Variants in TMPRSS9 observed in about 807,000 individuals in gnomAD.
TMPRSS9 encodes the protein transmembrane serine protease 9.
Under a neutral mutation model 111.4 loss-of-function variants are expected in TMPRSS9, and 113 were observed. That is an observed-to-expected ratio of 1.01 (90% CI 0.87 to 1.19). The LOEUF is 1.19. TMPRSS9 is among the 50% of genes most tolerant of loss of function. The pLI is 0.00. For missense variants in TMPRSS9, 1,803 were observed against 1,513.1 expected (o/e 1.19, Z -3.18); for synonymous variants, 805 against 659.1 (o/e 1.22, Z -3.39).
At chr19:2,376,627 T>C (rs1970336976) in intron 1 of TMPRSS9, among the ~76,000 whole-genome samples, 1 of 151,974 alleles carries the variant, frequency 6.6e-6, no homozygotes, top group Admixed American at 6.6e-5. Context: ...GCCCGGCTAA[T>C]TTTTGTATTT....
intron 1 of TMPRSS9, among the ~76,000 whole-genome samples, chr19:2,367,156 A>G (rs144396041): frequency 2.3e-3 from 357 of 152,324 alleles, no homozygotes; most frequent in African/African-American, 6.9e-3. Context: ...AAGTGAGTCA[A>G]TAAGTCCAAC....
At chr19:2,399,311 TG>T (rs1335780607) in intron 4 of TMPRSS9, 118 bp downstream of exon 5, 1 of 1,330,702 alleles carries the variant, frequency 7.5e-7, no homozygotes, top group Non-Finnish European at 9.9e-7. Context: ...TGGCCGGGTG[TG>T]GTGGCTCATG....
intron 17 of TMPRSS9, 99 bp downstream of exon 18, chr19:2,425,592 G>A (rs1172147954): frequency 2.2e-5 from 31 of 1,384,566 alleles, no homozygotes; most frequent in Non-Finnish European, 2.4e-5. Context: ...GCCACCCTCC[G>A]GTGCAGGCTT....
chr19:2,424,149 G>A (rs780022399), exon 15 of TMPRSS9: 1 of 1,448,714 alleles, frequency 6.9e-7, no homozygotes, highest in Non-Finnish European at 9.1e-7. Context: ...GCGGGCCGTG[G>A]GGAGTGGCCG....
At chr19:2,410,266 C>T in exon 9 of TMPRSS9, 1 of 1,613,894 alleles carries the variant, frequency 6.2e-7, no homozygotes, top group Non-Finnish European at 8.5e-7. Context: ...AGTGGTCAAG[C>T]CAGAGGTGCT....
At chr19:2,367,342 A>G (rs1413828474) in intron 1 of TMPRSS9, among the ~76,000 whole-genome samples, 1 of 152,150 alleles carries the variant, frequency 6.6e-6, no homozygotes, top group Non-Finnish European at 1.5e-5. Context: ...GCAATAAATG[A>G]GATGATGACT....
At chr19:2,360,479 G>T (rs1261907892) in intron 1 of TMPRSS9, among the ~76,000 whole-genome samples, 119 bp downstream of exon 1, 1 of 152,230 alleles carries the variant, frequency 6.6e-6, no homozygotes, top group African/African-American at 2.4e-5. Flanking sequence ...GAGGTGGCGT[G>T]GCGGGAGTGT....
At chr19:2,395,452 G>A (rs1249857543) in intron 1 of TMPRSS9, among the ~76,000 whole-genome samples, 3 of 151,736 alleles carry the variant, frequency 2.0e-5, no homozygotes, top group South Asian at 2.1e-4. Context: ...AAGGCCGGGC[G>A]CGGTGGCTCA....
chr19:2,385,904 T>C (rs1001830917), upstream of TMPRSS9, among the ~76,000 whole-genome samples: 2 of 152,000 alleles, frequency 1.3e-5, no homozygotes, highest in African/African-American at 4.8e-5. Context: ...AACAACATCC[T>C]GTGGGCCAGA....
At chr19:2,424,934 G>A in intron 15 of TMPRSS9, 68 bp from the exon 17 acceptor site, 1 of 1,366,330 alleles carries the variant, frequency 7.3e-7, no homozygotes, top group Non-Finnish European at 9.4e-7. Flanking sequence ...GCCGCTGGGG[G>A]ACACCACAGG....
intron 1 of TMPRSS9, among the ~76,000 whole-genome samples, chr19:2,365,432 C>G (rs1461674530): frequency 6.6e-6 from 1 of 151,872 alleles, no homozygotes; most frequent in East Asian, 1.9e-4. Flanking sequence ...GGAGGATTTC[C>G]TGACTAGATT....
intron 13 of TMPRSS9, among the ~76,000 whole-genome samples, 198 bp downstream of exon 14, chr19:2,418,336 CTTCCCTCCCT>C (rs1442043711): frequency 2.8e-5 from 2 of 71,786 alleles, no homozygotes; most frequent in African/African-American, 1.7e-4. Context: ...CCTCCCTTTC[CTTCCCTCCCT>C]TTCCCTCCCT....
chr19:2,413,807 C>T, exon 10 of TMPRSS9: 2 of 1,613,834 alleles, frequency 1.2e-6, no homozygotes, highest in Non-Finnish European at 1.7e-6. Context: ...GTCCAGGGGT[C>T]TATGCCCGAG....
intron 9 of TMPRSS9, 92 bp downstream of exon 10, chr19:2,410,486 G>A (rs4806846): frequency 0.15 from 223,731 of 1,501,352 alleles, 19,735 homozygotes; most frequent in Admixed American, 0.38. Flanking sequence ...CTGGATGCCC[G>A]CTGTGAGCCC....
intron 1 of TMPRSS9, among the ~76,000 whole-genome samples, chr19:2,369,998 A>G (rs1161412473): frequency 6.6e-5 from 10 of 152,118 alleles, no homozygotes; most frequent in Non-Finnish European, 1.3e-4. Flanking sequence ...ACTTGAGGTC[A>G]GGAGTTCAAG....
chr19:2,405,032 A>G (rs1421529882), intron 6 of TMPRSS9, among the ~76,000 whole-genome samples: 2 of 152,146 alleles, frequency 1.3e-5, no homozygotes, highest in African/African-American at 4.8e-5. Context: ...TTTGTGAAGG[A>G]CATAAAAGTA....
intron 1 of TMPRSS9, among the ~76,000 whole-genome samples, chr19:2,382,116 C>T (rs1366534652): frequency 6.6e-6 from 1 of 152,206 alleles, no homozygotes; most frequent in Non-Finnish European, 1.5e-5. Context: ...GTTGGGATAA[C>T]AGGCATGAGC....
At chr19:2,413,386 ACATTAT>A (rs947867900) in intron 9 of TMPRSS9, among the ~76,000 whole-genome samples, 74 of 152,286 alleles carry the variant, frequency 4.9e-4, no homozygotes, top group African/African-American at 1.7e-3. Flanking sequence ...GCAAGTGGTG[ACATTAT>A]CAAAGATCTA....
chr19:2,404,042 C>T (rs985794664), intron 6 of TMPRSS9, among the ~76,000 whole-genome samples: 1 of 150,870 alleles, frequency 6.6e-6, no homozygotes, highest in African/African-American at 2.4e-5. Flanking sequence ...GTGGTGGGCG[C>T]CTGTGGCCCC....
Sources: allele counts gnomAD v4.1 joint callset (sites outside exome capture counted in the v4.1 genomes callset), GRCh38; gene constraint gnomAD v4.1.1; transcripts MANE v1.5; gene names NCBI Gene and HGNC (gene_info 2026-07-23, HGNC 2026-07-21).